ADCY9: variants seen among roughly 807,000 people sequenced by gnomAD.
ADCY9 encodes adenylate cyclase type 9.
Under a neutral mutation model 101.5 loss-of-function variants are expected in ADCY9, and 50 were observed. The observed-to-expected ratio is 0.49, with a 90% CI of 0.39 to 0.62. The LOEUF is 0.62. ADCY9 is among the 20% of genes least tolerant of loss of function. ADCY9 has a pLI of 0.00. For synonymous variants in ADCY9, 905 were observed against 769.3 expected, an observed-to-expected ratio of 1.18 and a Z score of -2.92; for missense variants, 1,662 against 1,800.4, an observed-to-expected ratio of 0.92 and a Z score of 1.39.
rs143684983 is a variant in ADCY9, at chr16:3,969,246, C to T, written c.2871-2280G>A. On this transcript the variant is annotated intron_variant, in intron 10 of 10. Transcript: ENST00000294016. ...GGTGAGTAGCACAATTTCTTTTTTTCTTTTTCTTTTTTCTTTTTTGAGACA... is the reference window on the plus strand; with the variant it reads ...GGTGAGTAGCACAATTTCTTTTTTTTTTTTTCTTTTTTCTTTTTTGAGACA... Among the ~76,000 whole-genome samples the T allele has an allele frequency of 2.8e-3, 419 of 151,792 alleles. 4 individuals carry two copies. Among genetic ancestry groups the T allele is most frequent in the South Asian group, 0.013 (61 of 4,808 alleles).
At chr16:3,993,536 GA>G (rs1339147972) in intron 3 of ADCY9, 26 bp from the exon 4 acceptor site, 1 of 1,609,706 alleles carries the variant, frequency 6.2e-7, no homozygotes, top group South Asian at 1.1e-5. Context: ...AGACTGTGGG[GA>G]CACACCCAGA....
intron 2 of ADCY9, among the ~76,000 whole-genome samples, chr16:4,026,275 A>G (rs946915869): frequency 3.3e-5 from 5 of 152,012 alleles, no homozygotes; most frequent in African/African-American, 7.3e-5. Context: ...AAATACAAAA[A>G]TTAGCTGGGC....
In ADCY9 at chr16:3,995,266, A is replaced by T. The variant is rs181551505; in HGVS notation, c.1885-1756T>A. On this transcript the variant is annotated intron_variant, in intron 3 of 10. Coordinates refer to ENST00000294016, the MANE Select transcript of ADCY9 (RefSeq NM_001116.4). ...AACATGGCAAAACCCTGCCTCAACA[A>T]AAAGCATAAAAATTAGCCTGGCCTG... Among the ~76,000 whole-genome samples, 191 of 152,160 alleles carry T rather than the reference A, an allele frequency of 1.3e-3. 1 individual carries two copies. The highest frequency in any genetic ancestry group is 6.4e-3 in the Admixed American group (98 of 15,264).
At chr16:4,048,397 T>G (rs2056679777) in intron 2 of ADCY9, among the ~76,000 whole-genome samples, 4 of 152,342 alleles carry the variant, frequency 2.6e-5, no homozygotes, top group South Asian at 2.1e-4. Flanking sequence ...AACAGTTTAT[T>G]CCTGGGTCAC....
At chr16:3,999,978 G>A (rs907684040) in intron 3 of ADCY9, among the ~76,000 whole-genome samples, 6 of 152,186 alleles carry the variant, frequency 3.9e-5, no homozygotes, top group African/African-American at 1.2e-4. Flanking sequence ...AGGGAGTGGG[G>A]AAACCTCTTT....
At chr16:3,972,216 A>G (rs2056057864) in intron 10 of ADCY9, among the ~76,000 whole-genome samples, 4 of 148,620 alleles carry the variant, frequency 2.7e-5, no homozygotes, top group Admixed American at 1.4e-4. Context: ...TTCAAAAAGA[A>G]GAATTTCTTT....
chr16:4,059,104 G>A (rs937003746), intron 2 of ADCY9, among the ~76,000 whole-genome samples: 8 of 151,962 alleles, frequency 5.3e-5, no homozygotes, highest in East Asian at 3.9e-4. Flanking sequence ...AAGAAAAACC[G>A]GCCGTGCACG....
chr16:4,082,657 T>C (rs1178500889), intron 2 of ADCY9, among the ~76,000 whole-genome samples: 4 of 145,210 alleles, frequency 2.8e-5, no homozygotes, highest in South Asian at 4.5e-4. Context: ...CGCACACATA[T>C]ATGCACACCC....
At chr16:4,054,416 C>T (rs184355384) in intron 2 of ADCY9, among the ~76,000 whole-genome samples, 157 of 152,152 alleles carry the variant, frequency 1.0e-3, no homozygotes, top group Non-Finnish European at 2.1e-3. Flanking sequence ...ACCAAGACTT[C>T]GCAGGGCTCG....
intron 2 of ADCY9, among the ~76,000 whole-genome samples, chr16:4,051,582 C>G (rs1037785234): frequency 1.1e-4 from 16 of 151,148 alleles, no homozygotes; most frequent in Non-Finnish European, 2.1e-4. Context: ...ATGAACACAT[C>G]AAAAGAACAC....
At chr16:4,023,777 G>T (rs559509401) in intron 2 of ADCY9, among the ~76,000 whole-genome samples, 2 of 152,208 alleles carry the variant, frequency 1.3e-5, no homozygotes, top group East Asian at 3.9e-4. Context: ...GCCAGGCGGG[G>T]TACATGCCTG....
In ADCY9 at chr16:4,030,653, A is replaced by C. The variant is rs372671161; in HGVS notation, c.1694-23095T>G. 6.6e-5 allele frequency among the ~76,000 whole-genome samples: 10 copies of C among 151,986 alleles called. No homozygotes were observed. In the East Asian group the frequency reaches 1.9e-3, roughly 29 times the overall value. ...GGGAGGTGGAGGTTGCAGTGAGTCG[A>C]GGTCATGGCATCGCGCTCCAGCCTG... On this transcript the variant is annotated intron_variant, in intron 2 of 10. Coordinates refer to ENST00000294016, the MANE Select transcript of ADCY9 (RefSeq NM_001116.4).
intron 2 of ADCY9, among the ~76,000 whole-genome samples, chr16:4,052,993 C>G (rs2056711527): frequency 6.6e-6 from 1 of 152,184 alleles, no homozygotes; most frequent in Admixed American, 6.5e-5. Context: ...TGCTGTTATT[C>G]TTTTCTCCTT....
Position 3,964,978 on chromosome 16 carries a change from G to C in ADCY9, c.*797C>G, listed in dbSNP as rs532462231. 1.3e-5 allele frequency: 2 copies of C among 152,222 alleles called. No homozygotes were observed. Among genetic ancestry groups the C allele is most frequent in the African/African-American group, 4.8e-5 (2 of 41,452 alleles). The allele number at this position is 152,222 out of a possible 1,614,324, so 9.4% of individuals were successfully genotyped here. ...CAGGACCAACACCTCCACTCCCGAT[G>C]GGGAGACCCCTGGGTGGAGGGTCGG... On this transcript the variant is annotated 3_prime_UTR_variant, in exon 11 of 11. Coordinates refer to ENST00000294016, the MANE Select transcript of ADCY9 (RefSeq NM_001116.4).
At chr16:4,000,176 C>T (rs180863521) in intron 3 of ADCY9, among the ~76,000 whole-genome samples, 1 of 152,362 alleles carries the variant, frequency 6.6e-6, no homozygotes, top group East Asian at 1.9e-4. Flanking sequence ...AACACAATTT[C>T]CTGAGGTGTT....
intron 2 of ADCY9, among the ~76,000 whole-genome samples, chr16:4,022,732 C>T (rs2056486522): frequency 6.6e-6 from 1 of 150,584 alleles, no homozygotes; most frequent in Admixed American, 6.6e-5. Flanking sequence ...AATTCAAAGC[C>T]TCAGTGAGCT....
intron 2 of ADCY9, among the ~76,000 whole-genome samples, chr16:4,109,082 C>A (rs549569591): frequency 6.6e-6 from 1 of 152,286 alleles, no homozygotes; most frequent in South Asian, 2.1e-4. Flanking sequence ...TGACTGGCCA[C>A]CCTAGATAAG....
chr16:4,099,982 T>TA (rs1250363036), intron 2 of ADCY9, among the ~76,000 whole-genome samples: 1 of 152,134 alleles, frequency 6.6e-6, no homozygotes, highest in Non-Finnish European at 1.5e-5. Context: ...GGGAGGTTGA[T>TA]ATAGTTTAGC....
At chr16:3,976,723 T>C (rs2056095312) in intron 9 of ADCY9, among the ~76,000 whole-genome samples, 18 of 152,206 alleles carry the variant, frequency 1.2e-4, no homozygotes, top group Admixed American at 1.2e-3. Context: ...AATGGCACAA[T>C]CTCAGCTCAC....
Sources: allele counts gnomAD v4.1 joint callset (sites outside exome capture counted in the v4.1 genomes callset), GRCh38; gene constraint gnomAD v4.1.1; transcripts MANE v1.5; gene names NCBI Gene and HGNC (gene_info 2026-07-23, HGNC 2026-07-21).